Variants in NUP153 observed in about 807,000 individuals in gnomAD.
NUP153 encodes nuclear pore complex protein Nup153.
A neutral mutation model predicts 134.6 loss-of-function variants in NUP153; 27 were observed. The observed-to-expected ratio is 0.20, with a 90% CI of 0.15 to 0.28. The LOEUF (loss-of-function observed/expected upper bound fraction) is 0.28. NUP153 is among the 10% of genes least tolerant of loss of function. NUP153 has a pLI of 1.00. For missense variants in NUP153, 1,821 were observed against 1,731.3 expected (o/e 1.05, Z -0.92); for synonymous variants, 640 against 623.5 (o/e 1.03, Z -0.40).
chr6:17,647,678 C>A, intron 13 of NUP153, 129 bp downstream of exon 13: 1 of 637,416 alleles, frequency 1.6e-6, no homozygotes. Flanking sequence ...AAGTTTTTTA[C>A]ACAGAGTATT....
At chr6:17,641,129 G>T (rs1018072163) in intron 14 of NUP153, among the ~76,000 whole-genome samples, 3 of 152,160 alleles carry the variant, frequency 2.0e-5, no homozygotes, top group Non-Finnish European at 4.4e-5. Flanking sequence ...TTTTTAAGGG[G>T]CGATTTCTAT....
At position 17,628,703 on chromosome 6, in the gene NUP153, G is replaced by A. The variant is rs764053069; in HGVS notation, c.3496C>T (p.Pro1166Ser). Residue 1166 changes from proline to serine, a missense_variant, in exon 18 of 22, where the codon CCA becomes TCA. Coordinates refer to ENST00000262077, the MANE Select transcript of NUP153 (RefSeq NM_005124.4). This position sits in a 1 kb window ranked among gnomAD's most constrained non-coding sequence, Gnocchi z 5.4. Reference protein sequence around the residue: ...TKPSEKESEQPAKATFAFGAQ... With the variant: ...TKPSEKESEQSAKATFAFGAQ... Reference sequence around the variant, plus strand: ...CCAAAGGCAAAAGTGGCTTTTGCTGGCTGTTCAGATTCCTTCTCAGATGGT... The same window carrying A: ...CCAAAGGCAAAAGTGGCTTTTGCTGACTGTTCAGATTCCTTCTCAGATGGT... The A allele has an allele frequency of 1.9e-5, 31 of 1,612,076 alleles. No individual in the cohort carries two copies. Among genetic ancestry groups the A allele is most frequent in the Non-Finnish European group, 2.5e-5 (30 of 1,178,916 alleles).
chr6:17,647,747 T>G (rs1561872964), intron 13 of NUP153, 60 bp downstream of exon 13: 1 of 1,095,960 alleles, frequency 9.1e-7, no homozygotes, highest in African/African-American at 1.6e-5. Flanking sequence ...TTAGATTTGA[T>G]AAAAATATAA....
intron 2 of NUP153, among the ~76,000 whole-genome samples, chr6:17,681,495 G>A (rs1170328582): frequency 6.6e-6 from 1 of 152,122 alleles, no homozygotes; most frequent in Non-Finnish European, 1.5e-5. Flanking sequence ...TGAGACAGGA[G>A]AGTGGCGTGA....
intron 20 of NUP153, among the ~76,000 whole-genome samples, chr6:17,617,672 A>C (rs548800670): frequency 1.3e-4 from 19 of 151,934 alleles, no homozygotes; most frequent in African/African-American, 3.4e-4. Flanking sequence ...GCGAGATCCT[A>C]TCTCTATAAA....
intron 20 of NUP153, chr6:17,619,557 C>G (rs1277436758): frequency 6.6e-6 from 1 of 152,102 alleles, no homozygotes; most frequent in Admixed American, 6.5e-5. Flanking sequence ...AGCACATACC[C>G]AAAACTTGAA....
chr6:17,617,954 A>C (rs1445295417), intron 20 of NUP153, among the ~76,000 whole-genome samples: 1 of 152,178 alleles, frequency 6.6e-6, no homozygotes, highest in Non-Finnish European at 1.5e-5. Context: ...ACTGGGAGAC[A>C]CCACATACAG....
chr6:17,628,561 T>C lies in NUP153; in HGVS notation c.3544+94A>G. The C allele has an allele frequency of 1.7e-6, 1 of 590,550 alleles. No individual in the cohort carries two copies. The highest frequency in any genetic ancestry group is 2.4e-6 in the Non-Finnish European group (1 of 408,876). 36.6% of individuals were successfully genotyped at this position (590,550 alleles called of 1,614,324 possible). The stretch of plus-strand genomic sequence containing the variant: ...TCTCAACTATGTTCAGTGTAAACCA[T>C]TAATTGACTTGCTGCATCTGTCAAG... On this transcript the variant is annotated intron_variant, in intron 18 of 21. Coordinates refer to ENST00000262077, the MANE Select transcript of NUP153 (RefSeq NM_005124.4). The surrounding 1 kb of genome is among the most constrained non-coding windows in gnomAD (Gnocchi z 5.4).
At chr6:17,654,804 A>G (rs956854530) in intron 11 of NUP153, among the ~76,000 whole-genome samples, 3 of 152,246 alleles carry the variant, frequency 2.0e-5, no homozygotes, top group Admixed American at 6.5e-5. Context: ...TAATATCCTT[A>G]CATGGGTTAT....
At chr6:17,643,113 C>T (rs1253696409) in intron 14 of NUP153, among the ~76,000 whole-genome samples, 1 of 152,142 alleles carries the variant, frequency 6.6e-6, no homozygotes, top group East Asian at 1.9e-4. Flanking sequence ...ACAACGCTGT[C>T]AAGGTACTAA....
chr6:17,641,529 G>A (rs1053976891), intron 14 of NUP153, among the ~76,000 whole-genome samples: 15 of 151,746 alleles, frequency 9.9e-5, no homozygotes, highest in African/African-American at 3.6e-4. Flanking sequence ...GCGAGACTCC[G>A]TCTCAAAAAC....
chr6:17,652,760 T>C (rs1766576801), intron 11 of NUP153, among the ~76,000 whole-genome samples: 1 of 152,104 alleles, frequency 6.6e-6, no homozygotes, highest in African/African-American at 2.4e-5. Flanking sequence ...CGGTGGCTCA[T>C]GGCCTGTAAT....
chr6:17,632,923 G>C (rs1403719817), intron 16 of NUP153, 79 bp from the exon 17 acceptor site: 2 of 1,030,364 alleles, frequency 1.9e-6, no homozygotes, highest in Non-Finnish European at 2.7e-6. Context: ...TATCTTAATG[G>C]CACTGCTAAG....
chr6:17,617,101 T>C (rs1029037355), intron 20 of NUP153, among the ~76,000 whole-genome samples: 15 of 152,174 alleles, frequency 9.9e-5, no homozygotes, highest in Non-Finnish European at 1.9e-4. Flanking sequence ...TATAAAAACA[T>C]GCAAAGAATT....
intron 5 of NUP153, among the ~76,000 whole-genome samples, chr6:17,672,798 G>GT (rs1159750456): frequency 6.6e-6 from 1 of 152,086 alleles, no homozygotes; most frequent in Non-Finnish European, 1.5e-5. Flanking sequence ...GAGCAACGTA[G>GT]TAAGACTCCT....
rs1432378795 is a variant in NUP153, at chr6:17,628,018, T to C, written c.3544+637A>G. Among the ~76,000 whole-genome samples the C allele has an allele frequency of 6.6e-6, 1 of 152,222 alleles. No homozygotes were observed. The highest frequency in any genetic ancestry group is 1.5e-5 in the Non-Finnish European group (1 of 68,038). Reference sequence around the variant, plus strand: ...TTGTGGATCTAACTTGGATCACTCTTTGTACTGGTGCACTAAGTTTGGGGA... The same window carrying C: ...TTGTGGATCTAACTTGGATCACTCTCTGTACTGGTGCACTAAGTTTGGGGA... On this transcript the variant is annotated intron_variant, in intron 18 of 21. Coordinates refer to ENST00000262077, the MANE Select transcript of NUP153 (RefSeq NM_005124.4). This position sits in a 1 kb window ranked among gnomAD's most constrained non-coding sequence, Gnocchi z 5.4.
intron 2 of NUP153, among the ~76,000 whole-genome samples, chr6:17,678,362 A>C (rs1344659411): frequency 6.6e-6 from 1 of 151,428 alleles, no homozygotes; most frequent in Non-Finnish European, 1.5e-5. Flanking sequence ...CAAAAAAAAA[A>C]AAAAAAAAAA....
At chr6:17,642,816 C>T (rs1231411422) in intron 14 of NUP153, among the ~76,000 whole-genome samples, 1 of 152,186 alleles carries the variant, frequency 6.6e-6, no homozygotes, top group Non-Finnish European at 1.5e-5. Context: ...CAAAAATAAA[C>T]TGTGGCACAT....
chr6:17,693,182 C>CCACACACACACA (rs1269341758), intron 1 of NUP153, among the ~76,000 whole-genome samples: 2 of 34,014 alleles, frequency 5.9e-5, no homozygotes, highest in Admixed American at 4.8e-4. Context: ...TAGCTTTTTC[C>CCACACACACACA]TACACACACA....
Sources: gnomAD v4.1 joint callset for allele counts (sites outside exome capture counted in the v4.1 genomes callset) on GRCh38, gnomAD v4.1.1 for gene constraint, Gnocchi (gnomAD v3.1) non-coding constraint, MANE v1.5 for transcripts, NCBI Gene and HGNC (gene_info 2026-07-23, HGNC 2026-07-21) for gene names.